The following MTUS2 variants were observed in gnomAD, a reference collection of about 807,000 sequenced individuals.
MTUS2 encodes the protein microtubule-associated tumor suppressor candidate 2.
MTUS2 carries 40 observed loss-of-function variants against 114.1 expected under a neutral mutation model. The observed-to-expected ratio is 0.35, with a 90% CI of 0.27 to 0.46. MTUS2 has a LOEUF of 0.46. Among genes scored for constraint, MTUS2 ranks in the 20% least tolerant of loss-of-function variants. The pLI, the probability that MTUS2 is intolerant of heterozygous loss-of-function variation, is 1.00. For synonymous variants in MTUS2, 688 were observed against 672.0 expected (o/e 1.02, Z -0.37); for missense variants, 1,679 against 1,705.4 (o/e 0.98, Z 0.27).
At chr13:28,995,993 T>C (rs148301841) in intron 2 of MTUS2, among the ~76,000 whole-genome samples, 2,684 of 152,284 alleles carry the variant, frequency 0.018, 81 homozygotes, top group African/African-American at 0.06. Context: ...AAGGGAATGC[T>C]TCCAGTTTTT....
chr13:29,000,025 A>C (rs902834661), intron 2 of MTUS2, among the ~76,000 whole-genome samples: 10 of 152,154 alleles, frequency 6.6e-5, no homozygotes, highest in Non-Finnish European at 1.5e-4. Context: ...TTATCTGTTG[A>C]TGGATACTTA....
chr13:29,251,106 A>G (rs1184060867), intron 5 of MTUS2, among the ~76,000 whole-genome samples: 1 of 152,136 alleles, frequency 6.6e-6, no homozygotes, highest in East Asian at 1.9e-4. Flanking sequence ...TTATAATATA[A>G]AGTTGTGATT....
chr13:29,126,672 TATTTTATGTGTGGCCCAAGACA>T (rs1891530949), intron 5 of MTUS2, among the ~76,000 whole-genome samples: 1 of 152,124 alleles, frequency 6.6e-6, no homozygotes, highest in Admixed American at 6.5e-5. Context: ...GTTGTTAGTA[TATTTTATGTGTGGCCCAAGACA>T]ATTCTTCTTT....
intron 7 of MTUS2, among the ~76,000 whole-genome samples, chr13:29,338,857 T>C (rs1158361127): frequency 3.9e-5 from 6 of 152,042 alleles, no homozygotes; most frequent in Admixed American, 6.5e-5. Flanking sequence ...CAGAAGTGGG[T>C]GGGCAGGGGA....
At chr13:29,218,940 T>C (rs1895790689) in intron 5 of MTUS2, among the ~76,000 whole-genome samples, 2 of 143,544 alleles carry the variant, frequency 1.4e-5, no homozygotes, top group Non-Finnish European at 3.0e-5. Flanking sequence ...AAGTTTCCAA[T>C]TGCATTCATT....
intron 8 of MTUS2, among the ~76,000 whole-genome samples, chr13:29,423,084 A>G (rs571395619): frequency 5.2e-4 from 79 of 152,328 alleles, no homozygotes; most frequent in African/African-American, 1.8e-3. Flanking sequence ...GCTTGCTGCC[A>G]TATTATCAGG....
intron 4 of MTUS2, among the ~76,000 whole-genome samples, chr13:29,094,609 A>G (rs1264553406): frequency 6.6e-6 from 1 of 151,986 alleles, no homozygotes; most frequent in African/African-American, 2.4e-5. Flanking sequence ...TGTCAAATTT[A>G]TTGATAATTC....
intron 1 of MTUS2, among the ~76,000 whole-genome samples, chr13:28,833,711 AAAAG>A (rs1190932361): frequency 1.3e-5 from 2 of 152,152 alleles, no homozygotes; most frequent in African/African-American, 4.8e-5. Context: ...CAAGGCAAGG[AAAAG>A]AAAGAAAAAT....
intron 2 of MTUS2, among the ~76,000 whole-genome samples, chr13:28,855,005 G>A (rs553246305): frequency 4.6e-5 from 7 of 152,102 alleles, no homozygotes; most frequent in Admixed American, 3.9e-4. Context: ...ACTTATCTTG[G>A]TGTTTCTCCG....
At chr13:29,141,928 C>T (rs1187943990) in intron 5 of MTUS2, among the ~76,000 whole-genome samples, 1 of 147,090 alleles carries the variant, frequency 6.8e-6, no homozygotes, top group Non-Finnish European at 1.5e-5. Flanking sequence ...GGTGTGATCT[C>T]GGCTCACTTC....
intron 8 of MTUS2, among the ~76,000 whole-genome samples, chr13:29,383,720 A>T (rs1407964287): frequency 6.6e-6 from 1 of 150,992 alleles, no homozygotes; most frequent in Non-Finnish European, 1.5e-5. Context: ...GCAAGAAGGA[A>T]TCTCTCTCTG....
At chr13:29,120,977 T>C (rs2138906877) in intron 5 of MTUS2, among the ~76,000 whole-genome samples, 1 of 152,354 alleles carries the variant, frequency 6.6e-6, no homozygotes, top group East Asian at 1.9e-4. Flanking sequence ...TGACAGTACA[T>C]GGAACAAAAT....
At chr13:28,938,763 A>G (rs1882064068) in intron 2 of MTUS2, among the ~76,000 whole-genome samples, 1 of 152,146 alleles carries the variant, frequency 6.6e-6, no homozygotes, top group Non-Finnish European at 1.5e-5. Context: ...CTTCCTTACT[A>G]AAGACTAAAT....
intron 6 of MTUS2, among the ~76,000 whole-genome samples, chr13:29,290,689 C>G (rs1898673108): frequency 6.6e-6 from 1 of 152,172 alleles, no homozygotes; most frequent in Admixed American, 6.5e-5. Context: ...CCTCTCCTTT[C>G]TCTGGTGACA....
At chr13:29,418,492 A>G (rs970441331) in intron 8 of MTUS2, among the ~76,000 whole-genome samples, 5 of 152,126 alleles carry the variant, frequency 3.3e-5, no homozygotes, top group Admixed American at 6.5e-5. Context: ...CTTCCTATCT[A>G]TTTCACTTCT....
At chr13:29,143,252 A>G (rs553517703) in intron 5 of MTUS2, among the ~76,000 whole-genome samples, 1 of 152,362 alleles carries the variant, frequency 6.6e-6, no homozygotes, top group South Asian at 2.1e-4. Context: ...TTATGTGGAA[A>G]TACTAGTAGA....
intron 2 of MTUS2, among the ~76,000 whole-genome samples, chr13:28,980,119 C>T (rs1322379): frequency 0.61 from 93,369 of 152,104 alleles, 30,265 homozygotes; most frequent in African/African-American, 0.81. Context: ...TTTCCTGATA[C>T]TTGAGGGCTT....
intron 4 of MTUS2, among the ~76,000 whole-genome samples, chr13:29,034,649 G>A (rs1199466644): frequency 6.6e-6 from 1 of 152,238 alleles, no homozygotes; most frequent in Non-Finnish European, 1.5e-5. Flanking sequence ...TAGAAAGGCA[G>A]ATAAGAGTCA....
Position 28,881,065 on chromosome 13 carries a change from T to C in MTUS2, c.-243+41215T>C, listed in dbSNP as rs546531820. Among the ~76,000 whole-genome samples the C allele has an allele frequency of 3.9e-5, 6 of 152,324 alleles. No individual in the cohort carries two copies. The South Asian group carries it at 1.0e-3, about 26-fold the overall frequency. ...GTAGTGGTGAGGTTTTGGCTTCTAGTGTACCCAGCAGCCATGTAGTGGACA... is the reference window on the plus strand; with the variant it reads ...GTAGTGGTGAGGTTTTGGCTTCTAGCGTACCCAGCAGCCATGTAGTGGACA... On this transcript the variant is annotated intron_variant, in intron 2 of 15. Coordinates refer to ENST00000612955, the MANE Select transcript of MTUS2 (RefSeq NM_001033602.4).
Sources: allele counts gnomAD v4.1 joint callset (sites outside exome capture counted in the v4.1 genomes callset), GRCh38; gene constraint gnomAD v4.1.1; transcripts MANE v1.5; gene names NCBI Gene and HGNC (gene_info 2026-07-23, HGNC 2026-07-21).